MAPK10: variants seen among roughly 807,000 people sequenced by gnomAD.
MAPK10 encodes the protein mitogen-activated protein kinase 10.
In MAPK10, 25 loss-of-function variants were observed where a neutral mutation model predicts 59.3. The ratio of observed to expected loss-of-function variants is 0.42; its 90% CI spans 0.31 to 0.59. The LOEUF (loss-of-function observed/expected upper bound fraction) is 0.59. Ranked by LOEUF, MAPK10 falls within the 20% of genes least tolerant of loss-of-function variation. The pLI is 0.15. For synonymous variants in MAPK10, 190 were observed against 200.5 expected, an observed-to-expected ratio of 0.95 and a Z score of 0.44; for missense variants, 351 against 568.9, an observed-to-expected ratio of 0.62 and a Z score of 3.90.
chr4:86,561,254 C>A (rs1390029556), intron 1 of MAPK10, among the ~76,000 whole-genome samples: 1 of 152,122 alleles, frequency 6.6e-6, no homozygotes, highest in Non-Finnish European at 1.5e-5. Flanking sequence ...CCATAATGAT[C>A]CATGGCCTGG....
chr4:86,263,380 C>A (rs952064083), intron 2 of MAPK10, among the ~76,000 whole-genome samples: 3 of 152,156 alleles, frequency 2.0e-5, no homozygotes, highest in African/African-American at 7.2e-5. Context: ...CAACCACCAG[C>A]CATGACCCAC....
At chr4:86,191,571 T>C in intron 3 of MAPK10, 1 of 94,306 alleles carries the variant, frequency 1.1e-5, no homozygotes, top group African/African-American at 8.1e-5. Flanking sequence ...TTTTTTTTTT[T>C]TTTTTTTTTT....
At chr4:86,550,433 T>A in intron 1 of MAPK10, among the ~76,000 whole-genome samples, 1 of 137,290 alleles carries the variant, frequency 7.3e-6, no homozygotes, top group Admixed American at 7.4e-5. Flanking sequence ...GCACAGTGGC[T>A]TACGCCTGTA....
intron 1 of MAPK10, among the ~76,000 whole-genome samples, chr4:86,405,858 A>G (rs1055975646): frequency 3.9e-5 from 6 of 152,230 alleles, no homozygotes. Flanking sequence ...CTAGAAGGAA[A>G]GTGTTGGAAT....
intron 2 of MAPK10, among the ~76,000 whole-genome samples, chr4:86,206,281 T>G (rs988766275): frequency 2.0e-5 from 3 of 151,314 alleles, no homozygotes; most frequent in African/African-American, 7.3e-5. Context: ...CACCTATGAG[T>G]GAGAATATGC....
chr4:86,136,423 T>A (rs1163771977), intron 4 of MAPK10, among the ~76,000 whole-genome samples: 1 of 151,704 alleles, frequency 6.6e-6, no homozygotes, highest in Non-Finnish European at 1.5e-5. Context: ...GAACTTCATA[T>A]CCAGCCAAAC....
intron 1 of MAPK10, among the ~76,000 whole-genome samples, chr4:86,593,386 C>T (rs2149120353): frequency 6.6e-6 from 1 of 152,268 alleles, no homozygotes. Context: ...CCAAAACTTT[C>T]AAAACTCAAA....
At chr4:86,194,479 G>T in intron 2 of MAPK10, 72 bp from the exon 3 acceptor site, 1 of 930,290 alleles carries the variant, frequency 1.1e-6, no homozygotes, top group Non-Finnish European at 1.8e-6. Context: ...ATAGATTTTG[G>T]CATAATTTGA....
At chr4:86,418,170 G>A (rs1016501632) in intron 1 of MAPK10, among the ~76,000 whole-genome samples, 4 of 152,194 alleles carry the variant, frequency 2.6e-5, no homozygotes, top group African/African-American at 9.7e-5. Context: ...AAGGCACACA[G>A]TAGTCAATAA....
chr4:86,277,047 T>TA (rs985973289), intron 2 of MAPK10: 5 of 152,152 alleles, frequency 3.3e-5, no homozygotes, highest in African/African-American at 9.7e-5. Flanking sequence ...AGTGTCCTCT[T>TA]ACTTGTCTCT....
intron 1 of MAPK10, among the ~76,000 whole-genome samples, chr4:86,498,808 G>A (rs1755086758): frequency 6.6e-6 from 1 of 152,128 alleles, no homozygotes; most frequent in African/African-American, 2.4e-5. Flanking sequence ...AACCTTAACA[G>A]CCCTTTTCCT....
chr4:86,402,282 G>T (rs1743827758), intron 1 of MAPK10, among the ~76,000 whole-genome samples: 1 of 152,050 alleles, frequency 6.6e-6, no homozygotes, highest in African/African-American at 2.4e-5. Context: ...GAGTTTGAGT[G>T]TCTTGACCCA....
intron 2 of MAPK10, among the ~76,000 whole-genome samples, chr4:86,334,461 TA>T (rs964803953): frequency 2.6e-5 from 4 of 152,168 alleles, no homozygotes; most frequent in Non-Finnish European, 5.9e-5. Flanking sequence ...TGACTCCACT[TA>T]AAAGTCTTCC....
At chr4:86,018,013 G>T (rs565946360) in intron 13 of MAPK10, among the ~76,000 whole-genome samples, 1 of 152,170 alleles carries the variant, frequency 6.6e-6, no homozygotes, top group African/African-American at 2.4e-5. Context: ...GAGCCACCAC[G>T]CCCCGCGGGC....
intron 3 of MAPK10, among the ~76,000 whole-genome samples, chr4:86,189,116 T>C (rs142854304): frequency 0.016 from 2,424 of 152,298 alleles, 77 homozygotes; most frequent in African/African-American, 0.055. Context: ...TTTGTTTTGG[T>C]ACCAGCACCA....
chr4:86,195,131 G>C (rs1027374440), intron 2 of MAPK10, among the ~76,000 whole-genome samples: 10 of 152,062 alleles, frequency 6.6e-5, no homozygotes, highest in African/African-American at 2.2e-4. Flanking sequence ...GTTTTAAGAG[G>C]AAAAGTTATC....
chr4:86,354,037 A>T (rs988753397), intron 2 of MAPK10, among the ~76,000 whole-genome samples: 9 of 152,282 alleles, frequency 5.9e-5, no homozygotes, highest in African/African-American at 2.2e-4. Flanking sequence ...TTTGTAGGCT[A>T]AAATGCCCAT....
chr4:86,223,651 C>T (rs2090083636), intron 2 of MAPK10, among the ~76,000 whole-genome samples: 1 of 152,138 alleles, frequency 6.6e-6, no homozygotes, highest in Non-Finnish European at 1.5e-5. Flanking sequence ...CCCCTATCCC[C>T]AAATCTCACC....
chr4:86,586,941 G>A (rs1445305282), intron 1 of MAPK10, among the ~76,000 whole-genome samples: 1 of 152,148 alleles, frequency 6.6e-6, no homozygotes. Context: ...ATTTTCCAAA[G>A]TTTCTCTTCA....
Sources: allele counts gnomAD v4.1 joint callset (sites outside exome capture counted in the v4.1 genomes callset), GRCh38; gene constraint gnomAD v4.1.1; transcripts MANE v1.5; gene names NCBI Gene and HGNC (gene_info 2026-07-23, HGNC 2026-07-21).